The following RNF220 variants were observed in gnomAD, a reference collection of about 807,000 sequenced individuals.
RNF220 encodes the protein ring finger protein 220, also known as E3 ubiquitin-protein ligase RNF220.
In RNF220, 7 loss-of-function variants were observed where a neutral mutation model predicts 67.1. The ratio of observed to expected loss-of-function variants is 0.10; its 90% CI spans 0.06 to 0.20. RNF220 has a LOEUF of 0.20. RNF220 is among the 10% of genes least tolerant of loss of function. The pLI, the probability that RNF220 is intolerant of heterozygous loss-of-function variation, is 1.00. For missense variants in RNF220, 565 were observed against 740.3 expected (o/e 0.76, Z 2.75); for synonymous variants, 270 against 283.2 (o/e 0.95, Z 0.47).
chr1:44,530,123 G>A (rs149893834), intron 2 of RNF220, among the ~76,000 whole-genome samples: 6 of 151,794 alleles, frequency 4.0e-5, no homozygotes, highest in African/African-American at 7.3e-5. Context: ...GAGTATAAAC[G>A]TTTAGGTATA....
At chr1:44,569,356 T>C (rs1664263978) in intron 2 of RNF220, among the ~76,000 whole-genome samples, 1 of 152,224 alleles carries the variant, frequency 6.6e-6, no homozygotes, top group African/African-American at 2.4e-5. Flanking sequence ...GAAAATCGCC[T>C]GGGAAAATTA....
At chr1:44,541,413 G>A (rs1449878900) in intron 2 of RNF220, among the ~76,000 whole-genome samples, 2 of 152,226 alleles carry the variant, frequency 1.3e-5, no homozygotes, top group African/African-American at 2.4e-5. Context: ...GGGTGACAGA[G>A]TGAGACTCCG....
At chr1:44,576,735 C>G (rs1356848880) in intron 2 of RNF220, among the ~76,000 whole-genome samples, 1 of 152,210 alleles carries the variant, frequency 6.6e-6, no homozygotes, top group Non-Finnish European at 1.5e-5. Flanking sequence ...GGGAAAAAAG[C>G]TGAGTAAACA....
chr1:44,443,818 C>T (rs569154978), intron 2 of RNF220, among the ~76,000 whole-genome samples: 9 of 152,274 alleles, frequency 5.9e-5, no homozygotes, highest in East Asian at 1.9e-4. Context: ...TAGCCAGGCA[C>T]GGTGGCTCAC....
intron 2 of RNF220, among the ~76,000 whole-genome samples, chr1:44,483,684 G>A (rs1220876202): frequency 2.6e-5 from 4 of 152,218 alleles, no homozygotes; most frequent in Non-Finnish European, 4.4e-5. Flanking sequence ...GAACATAGCG[G>A]TGGCAGGCTA....
chr1:44,650,568 G>T lies in RNF220; in HGVS notation c.1630-136G>T, dbSNP rs559493004. The T allele has an allele frequency of 1.3e-4, 115 of 883,342 alleles. No individual in the cohort carries two copies. The African/African-American group carries it at 1.5e-3, about 11-fold the overall frequency. 54.7% of individuals were successfully genotyped at this position (883,342 alleles called of 1,614,324 possible). A position where few individuals can be genotyped will look rare whatever the true frequency, so the allele number is the denominator to read the frequency against. On this transcript the variant is annotated intron_variant, in intron 14 of 14. Transcript: ENST00000361799. The surrounding 1 kb of genome is among the most constrained non-coding windows in gnomAD (Gnocchi z 4.3). ...CTGCCTGCTCACAGAAGCTGCCTAT[G>T]CGTCCCCAGCCTGGGCTGACAGGAC... is the stretch of plus-strand genomic sequence containing the variant.
chr1:44,556,070 T>C (rs1466817289), intron 2 of RNF220, among the ~76,000 whole-genome samples: 1 of 150,626 alleles, frequency 6.6e-6, no homozygotes, highest in East Asian at 2.0e-4. Flanking sequence ...AGTCTCTCTG[T>C]GTCGCCCAGG....
Position 44,626,313 on chromosome 1 carries a change from C to T in RNF220, c.821C>T (p.Ala274Val), listed in dbSNP as rs1361602386. ...TTCTTCCAGTCCCTCCTGTTGTCTG[C>T]TTCCATCAAGAGGGAAGGAGAGTCT... Reference protein sequence around the residue: ...PGTPKSLLLSASIKREGESPT... With the variant: ...PGTPKSLLLSVSIKREGESPT... The change falls in exon 5 of 15, where the codon GCT (alanine) becomes GTT (valine). Residue 274 changes from alanine (A) to valine (V), a missense_variant. Ala to Val is a moderately conservative substitution (Grantham distance 64). Transcript: ENST00000361799. The T allele has an allele frequency of 1.9e-6, 3 of 1,613,894 alleles. No homozygotes were observed. Among genetic ancestry groups the T allele is most frequent in the African/African-American group, 1.3e-5 (1 of 74,894 alleles).
chr1:44,625,849 C>T (rs1242601679), intron 4 of RNF220, among the ~76,000 whole-genome samples: 1 of 152,126 alleles, frequency 6.6e-6, no homozygotes, highest in Middle Eastern at 3.4e-3. Context: ...CCTAGCTGCA[C>T]GTGGGAAACT....
intron 2 of RNF220, among the ~76,000 whole-genome samples, chr1:44,602,814 T>TTCATTA (rs1667016698): frequency 2.0e-5 from 3 of 151,930 alleles, no homozygotes; most frequent in African/African-American, 7.2e-5. Flanking sequence ...CTCAGGTCAC[T>TTCATTA]GCTTGGCTAA....
intron 2 of RNF220, among the ~76,000 whole-genome samples, chr1:44,589,595 CAG>C (rs1294954009): frequency 5.3e-5 from 7 of 130,880 alleles, no homozygotes; most frequent in African/African-American, 2.0e-4. Flanking sequence ...GCCTGGGTGA[CAG>C]AGCGAGACTG....
chr1:44,594,992 C>G (rs1666371673), intron 2 of RNF220, among the ~76,000 whole-genome samples: 2 of 152,192 alleles, frequency 1.3e-5, no homozygotes, highest in African/African-American at 4.8e-5. Flanking sequence ...GACAGCAGAG[C>G]CAGTGCCTCC....
chr1:44,505,226 A>G (rs1658307656), intron 2 of RNF220, among the ~76,000 whole-genome samples: 1 of 152,066 alleles, frequency 6.6e-6, no homozygotes. Flanking sequence ...TCTTTACCAC[A>G]CTGTATCAGG....
chr1:44,523,603 T>C (rs1234624064), intron 2 of RNF220, among the ~76,000 whole-genome samples: 1 of 152,140 alleles, frequency 6.6e-6, no homozygotes, highest in African/African-American at 2.4e-5. Context: ...ATGAGGCTAA[T>C]GGTTATGGGG....
chr1:44,593,432 A>C (rs946803812), intron 2 of RNF220, among the ~76,000 whole-genome samples: 3 of 152,240 alleles, frequency 2.0e-5, no homozygotes, highest in Non-Finnish European at 4.4e-5. Flanking sequence ...CAAGATATCA[A>C]TAATAATAAC....
chr1:44,526,053 C>T (rs270725), intron 2 of RNF220, among the ~76,000 whole-genome samples: 146,202 of 152,226 alleles, frequency 0.96, 70,428 homozygotes, highest in Non-Finnish European at 1. Context: ...CTTTGATCAA[C>T]ATCTTTAAAG....
intron 2 of RNF220, among the ~76,000 whole-genome samples, chr1:44,413,122 T>C (rs1449308792): frequency 6.6e-6 from 1 of 152,182 alleles, no homozygotes; most frequent in African/African-American, 2.4e-5. Flanking sequence ...GTTATGTTTG[T>C]CTGATCTCAG....
At chr1:44,625,093 G>A (rs1047114293) in intron 4 of RNF220, among the ~76,000 whole-genome samples, 1 of 152,176 alleles carries the variant, frequency 6.6e-6, no homozygotes, top group Non-Finnish European at 1.5e-5. Context: ...ATGGGCCGGA[G>A]GTCGGGGTGA....
At chr1:44,547,339 C>T (rs1475079450) in intron 2 of RNF220, among the ~76,000 whole-genome samples, 1 of 152,256 alleles carries the variant, frequency 6.6e-6, no homozygotes, top group East Asian at 1.9e-4. Context: ...ATTTCTGCCA[C>T]AGTCCTTACC....
Sources: gnomAD v4.1 joint callset for allele counts (sites outside exome capture counted in the v4.1 genomes callset) on GRCh38, gnomAD v4.1.1 for gene constraint, Gnocchi (gnomAD v3.1) non-coding constraint, MANE v1.5 for transcripts, NCBI Gene and HGNC (gene_info 2026-07-23, HGNC 2026-07-21) for gene names.